Variants in TMEM232 observed in about 807,000 individuals in gnomAD.
TMEM232 encodes transmembrane protein 232.
Under a neutral mutation model 78.8 loss-of-function variants are expected in TMEM232, and 80 were observed. The observed-to-expected ratio is 1.01, with a 90% CI of 0.85 to 1.22. The LOEUF (loss-of-function observed/expected upper bound fraction) is 1.22, where lower values mean the gene tolerates loss of function less well. Ranked by LOEUF, TMEM232 falls within the 50% of genes most tolerant of loss-of-function variation. The pLI, the probability that TMEM232 is intolerant of heterozygous loss-of-function variation, is 0.00. For missense variants in TMEM232, 881 were observed against 742.2 expected (o/e 1.19, Z -2.17); for synonymous variants, 297 against 254.3 (o/e 1.17, Z -1.60).
At chr5:110,437,835 A>G (rs771303359) in intron 12 of TMEM232, among the ~76,000 whole-genome samples, 2 of 152,094 alleles carry the variant, frequency 1.3e-5, no homozygotes, top group African/African-American at 2.4e-5. Context: ...ACAAAATCCA[A>G]TCAGGCTGGC....
At chr5:110,738,377 T>G, upstream of TMEM232, 1 of 564,534 alleles carries the variant, frequency 1.8e-6, no homozygotes, top group Non-Finnish European at 2.4e-6. Context: ...CAGAAAACTA[T>G]AGTTTCTTTA....
rs149890704 is a variant in TMEM232, at chr5:110,480,368, C to G, written c.1703+48220G>C. ...AATGTCAGTCTTTTGAACAACTCAC[C>G]TCACTGGTGTGAAGAAGTTACAGAT... On this transcript the variant is annotated intron_variant, in intron 12 of 13. Transcript: ENST00000455884. Among the ~76,000 whole-genome samples, 28 of 152,006 alleles carry G rather than the reference C, an allele frequency of 1.8e-4. No homozygotes were observed. The East Asian group carries it at 5.4e-3, about 29-fold the overall frequency.
chr5:110,474,962 G>C (rs1313686910), intron 12 of TMEM232, among the ~76,000 whole-genome samples: 2 of 151,832 alleles, frequency 1.3e-5, no homozygotes, highest in African/African-American at 4.8e-5. Flanking sequence ...TTTCAGTGCA[G>C]TATTTTTCCC....
intron 11 of TMEM232, among the ~76,000 whole-genome samples, chr5:110,554,634 C>T (rs1204889926): frequency 6.6e-6 from 1 of 151,884 alleles, no homozygotes; most frequent in Non-Finnish European, 1.5e-5. Context: ...TTTGTTTTTG[C>T]CAGGTTTTGG....
intron 8 of TMEM232, among the ~76,000 whole-genome samples, chr5:110,613,979 T>C (rs1782620188): frequency 6.6e-6 from 1 of 152,076 alleles, no homozygotes; most frequent in African/African-American, 2.4e-5. Flanking sequence ...TTAATGTCAA[T>C]AGTTTTTGTT....
chr5:110,445,129 T>C (rs529014201), intron 12 of TMEM232, among the ~76,000 whole-genome samples: 10 of 152,088 alleles, frequency 6.6e-5, no homozygotes, highest in African/African-American at 2.4e-4. Flanking sequence ...TTTTTGGACA[T>C]TTTTTTCTTC....
At chr5:110,621,645 G>T (rs975546683) in intron 7 of TMEM232, among the ~76,000 whole-genome samples, 6 of 152,052 alleles carry the variant, frequency 3.9e-5, no homozygotes, top group African/African-American at 1.4e-4. Flanking sequence ...ACTGAGCACT[G>T]CCTTAAATGA....
chr5:110,610,233 A>AGGGAG (rs1443317909), intron 8 of TMEM232, among the ~76,000 whole-genome samples: 1 of 24,066 alleles, frequency 4.2e-5, no homozygotes, highest in South Asian at 1.2e-3. Context: ...GGAGGGAAAA[A>AGGGAG]GAAAGGAAGG....
chr5:110,411,087 A>G (rs1755979767), intron 2 of TMEM232, among the ~76,000 whole-genome samples: 1 of 152,110 alleles, frequency 6.6e-6, no homozygotes, highest in Non-Finnish European at 1.5e-5. Flanking sequence ...TGCTGCAAAA[A>G]TATCCCTGCA....
intron 1 of TMEM232, among the ~76,000 whole-genome samples, chr5:110,687,631 G>C (rs244410): frequency 0.69 from 104,799 of 151,802 alleles, 38,391 homozygotes; most frequent in Middle Eastern, 0.82. Flanking sequence ...TATTGTTTTG[G>C]GAAAAAAAGG....
chr5:110,656,063 A>C lies in TMEM232; in HGVS notation c.125+11165T>G, dbSNP rs1054144427. Among the ~76,000 whole-genome samples the C allele has an allele frequency of 3.6e-4, 54 of 152,034 alleles. 1 individual carries two copies. The highest frequency in any genetic ancestry group is 1.3e-3 in the African/African-American group (54 of 41,324). On this transcript the variant is annotated intron_variant, in intron 2 of 13. Coordinates refer to ENST00000455884, the MANE Select transcript of TMEM232 (RefSeq NM_001039763.4). ...TAAAACTTAAAGTATAATAAAAAAA[A>C]AACAATACTTTAATTGGCTGAGGTT...
chr5:110,622,430 T>G (rs985257904), intron 7 of TMEM232, among the ~76,000 whole-genome samples: 30 of 152,228 alleles, frequency 2.0e-4, no homozygotes, highest in Non-Finnish European at 4.4e-4. Context: ...AAGTGACAAC[T>G]GTGCTTAGAA....
chr5:110,664,981 G>C (rs1416679068), intron 2 of TMEM232, among the ~76,000 whole-genome samples: 1 of 152,106 alleles, frequency 6.6e-6, no homozygotes, highest in Non-Finnish European at 1.5e-5. Context: ...TATCTGGTTT[G>C]CTATGAGATT....
At chr5:110,689,086 A>C (rs1441937312) in intron 1 of TMEM232, among the ~76,000 whole-genome samples, 1 of 152,166 alleles carries the variant, frequency 6.6e-6, no homozygotes. Context: ...TGGACCCCTC[A>C]AAATCATCTT....
chr5:110,593,143 A>G (rs984796568), intron 10 of TMEM232, among the ~76,000 whole-genome samples: 1 of 152,198 alleles, frequency 6.6e-6, no homozygotes, highest in African/African-American at 2.4e-5. Context: ...TCCATAATGT[A>G]TGGCACTGCT....
At chr5:110,466,138 T>TAATC (rs1405608821) in intron 12 of TMEM232, among the ~76,000 whole-genome samples, 1 of 152,218 alleles carries the variant, frequency 6.6e-6, no homozygotes, top group African/African-American at 2.4e-5. Flanking sequence ...TGAGAAAAGC[T>TAATC]AATCACAACT....
chr5:110,667,132 G>T, intron 2 of TMEM232, 96 bp downstream of exon 2: 1 of 980,516 alleles, frequency 1.0e-6, no homozygotes, highest in Non-Finnish European at 1.4e-6. Flanking sequence ...TTTAATCTTT[G>T]GTTAGAGAAC....
chr5:110,624,666 G>C (rs1335396100), intron 7 of TMEM232, among the ~76,000 whole-genome samples: 1 of 152,014 alleles, frequency 6.6e-6, no homozygotes, highest in Admixed American at 6.6e-5. Flanking sequence ...TGGTGAACTA[G>C]TAATTTGCCA....
chr5:110,419,531 T>C lies in TMEM232; in HGVS notation c.*1049A>G, dbSNP rs1379761663. Among the ~76,000 whole-genome samples the C allele has an allele frequency of 6.6e-6, 1 of 152,162 alleles. No individual in the cohort carries two copies. Among genetic ancestry groups the C allele is most frequent in the Non-Finnish European group, 1.5e-5 (1 of 67,984 alleles). ...TAGCTACTTTTATTTTGAAAAATAATCCCATTTAAAAGCTTCTTGAAAGGC... is the reference window on the plus strand; with the variant it reads ...TAGCTACTTTTATTTTGAAAAATAACCCCATTTAAAAGCTTCTTGAAAGGC... On this transcript the variant is annotated 3_prime_UTR_variant, in exon 14 of 14. Transcript: ENST00000455884.
Sources: gnomAD v4.1 joint callset for allele counts (sites outside exome capture counted in the v4.1 genomes callset) on GRCh38, gnomAD v4.1.1 for gene constraint, MANE v1.5 for transcripts, NCBI Gene and HGNC (gene_info 2026-07-23, HGNC 2026-07-21) for gene names.